The following ARMC3 variants were observed in gnomAD, a reference collection of about 807,000 sequenced individuals.
ARMC3 encodes armadillo repeat containing 3, also known as armadillo repeat-containing protein 3.
A neutral mutation model predicts 90.3 loss-of-function variants in ARMC3; 74 were observed. That is an observed-to-expected ratio of 0.82 (90% CI 0.68 to 0.99). ARMC3 has a LOEUF of 0.99. ARMC3 is among the 50% of genes least tolerant of loss of function. The pLI is 0.00. For missense variants in ARMC3, 958 were observed against 1,042.8 expected (o/e 0.92, Z 1.12); for synonymous variants, 334 against 361.8 (o/e 0.92, Z 0.87).
intron 10 of ARMC3, among the ~76,000 whole-genome samples, chr10:22,995,978 C>A (rs565119793): frequency 1.2e-3 from 184 of 152,228 alleles, no homozygotes; most frequent in Non-Finnish European, 2.1e-3. Context: ...GAGGGAAAAC[C>A]ACCAAGTGAC....
intron 2 of ARMC3, among the ~76,000 whole-genome samples, chr10:22,935,666 A>T (rs1834079555): frequency 6.6e-6 from 1 of 152,224 alleles, no homozygotes; most frequent in African/African-American, 2.4e-5. Context: ...TGACAGCTAA[A>T]CACTATGAAT....
chr10:23,037,273 C>T lies in ARMC3; in HGVS notation c.2413C>T (p.Leu805=). 6.3e-7 allele frequency: 1 copy of T among 1,588,072 alleles called. No homozygotes were observed. Among genetic ancestry groups the T allele is most frequent in the Non-Finnish European group, 8.6e-7 (1 of 1,162,896 alleles). The change falls in exon 19 of 19, where the codon CTG becomes TTG. Residue 805 remains leucine (L), a synonymous_variant. Transcript: ENST00000298032. ...FYHRALLFKA[L]ADRIGIGCSL... ...GATCTCTTGTTTTCTCCTGCAGGCT[C>T]TGGCTGATAGAATTGGCATTGGTTG...
intron 10 of ARMC3, among the ~76,000 whole-genome samples, chr10:22,985,648 C>T (rs976536278): frequency 6.6e-6 from 1 of 152,088 alleles, no homozygotes; most frequent in African/African-American, 2.4e-5. Flanking sequence ...AGATAATTCT[C>T]GTGTATGTTG....
intron 16 of ARMC3, among the ~76,000 whole-genome samples, chr10:23,017,466 G>C (rs889248223): frequency 6.6e-6 from 1 of 152,054 alleles, no homozygotes; most frequent in African/African-American, 2.4e-5. Flanking sequence ...ATATGCATGA[G>C]TATATAACAA....
chr10:22,981,349 GA>G lies in ARMC3; in HGVS notation c.930del (p.Lys310AsnfsTer13), dbSNP rs1836174441. On this transcript the variant is annotated frameshift_variant, in exon 9 of 19. Coordinates refer to ENST00000298032, the MANE Select transcript of ARMC3 (RefSeq NM_173081.5). LOFTEE classifies it high-confidence loss of function. ...CTTTGGTGTATGAAAGCTGAAAATA[GA>G]AAACTTTTTCATGAACAAGAGGTTG... ...ITKAAYDPEN[R>X]KLFHEQEVEK... is the part of the protein sequence containing the mutation. 4 of 1,594,502 alleles carry G rather than the reference GA, an allele frequency of 2.5e-6. No homozygotes were observed. The highest frequency in any genetic ancestry group is 3.4e-6 in the Non-Finnish European group (4 of 1,174,742).
At chr10:23,011,458 C>T (rs1838009933) in intron 16 of ARMC3, among the ~76,000 whole-genome samples, 1 of 152,196 alleles carries the variant, frequency 6.6e-6, no homozygotes, top group Non-Finnish European at 1.5e-5. Context: ...AAACACTCAA[C>T]CAGTGTCAGT....
chr10:22,947,362 T>A (rs919492423), intron 3 of ARMC3, among the ~76,000 whole-genome samples: 1 of 151,602 alleles, frequency 6.6e-6, no homozygotes, highest in South Asian at 2.1e-4. Flanking sequence ...CCAACTGTGA[T>A]AAGTCCTATC....
intron 8 of ARMC3, among the ~76,000 whole-genome samples, chr10:22,973,918 C>T (rs559356514): frequency 9.9e-5 from 15 of 151,402 alleles, no homozygotes; most frequent in African/African-American, 3.4e-4. Flanking sequence ...GCCACCAGGC[C>T]CAGCTAATTT....
chr10:23,013,345 T>C (rs1838110097), intron 16 of ARMC3, among the ~76,000 whole-genome samples: 1 of 152,212 alleles, frequency 6.6e-6, no homozygotes, highest in Non-Finnish European at 1.5e-5. Context: ...TATTCATTCT[T>C]TATTTTCTTT....
intron 7 of ARMC3, among the ~76,000 whole-genome samples, chr10:22,963,850 A>G (rs1588850808): frequency 7.4e-6 from 1 of 134,690 alleles, no homozygotes; most frequent in Non-Finnish European, 1.5e-5. Context: ...AGATCGCACC[A>G]CTGCACTCCA....
chr10:22,988,098 C>T (rs573977051), intron 10 of ARMC3, among the ~76,000 whole-genome samples: 15 of 152,268 alleles, frequency 9.9e-5, no homozygotes, highest in African/African-American at 1.9e-4. Flanking sequence ...AGAATGTCCT[C>T]GTTATATATG....
chr10:22,933,840 C>A (rs1268580577), intron 2 of ARMC3, among the ~76,000 whole-genome samples: 2 of 152,008 alleles, frequency 1.3e-5, no homozygotes, highest in Non-Finnish European at 2.9e-5. Flanking sequence ...AGCTGAGATC[C>A]CACCACTGCA....
At chr10:23,032,787 C>T (rs968655897) in intron 17 of ARMC3, 74 bp from the exon 18 acceptor site, 3 of 1,400,720 alleles carry the variant, frequency 2.1e-6, no homozygotes, top group Non-Finnish European at 2.9e-6. Context: ...TGTATATTTA[C>T]ATGTAATTAC....
chr10:22,958,715 C>A (rs188469306), intron 4 of ARMC3, among the ~76,000 whole-genome samples: 1 of 152,156 alleles, frequency 6.6e-6, no homozygotes, highest in East Asian at 1.9e-4. Flanking sequence ...TCAGTAGATA[C>A]TACCATTATC....
At chr10:23,006,220 C>T (rs977653611) in intron 13 of ARMC3, among the ~76,000 whole-genome samples, 4 of 152,104 alleles carry the variant, frequency 2.6e-5, no homozygotes, top group African/African-American at 4.8e-5. Flanking sequence ...TAGCAAAGTG[C>T]GAGGAGAGCA....
At chr10:23,023,549 G>A (rs1838594169) in intron 16 of ARMC3, among the ~76,000 whole-genome samples, 1 of 152,118 alleles carries the variant, frequency 6.6e-6, no homozygotes, top group African/African-American at 2.4e-5. Flanking sequence ...ATCTGACCTG[G>A]ATTTTAAAGC....
intron 3 of ARMC3, among the ~76,000 whole-genome samples, chr10:22,952,888 G>A (rs1040855721): frequency 2.6e-5 from 4 of 152,160 alleles, no homozygotes; most frequent in African/African-American, 4.8e-5. Flanking sequence ...ATTAATCAAG[G>A]TATTTTACCG....
intron 3 of ARMC3, among the ~76,000 whole-genome samples, chr10:22,947,892 C>T (rs536105152): frequency 6.6e-6 from 1 of 152,196 alleles, no homozygotes; most frequent in African/African-American, 2.4e-5. Flanking sequence ...TAAAAACATA[C>T]AAGATGCCTA....
At chr10:22,973,617 A>G (rs1005733988) in intron 8 of ARMC3, among the ~76,000 whole-genome samples, 5 of 151,518 alleles carry the variant, frequency 3.3e-5, no homozygotes, top group African/African-American at 9.7e-5. Context: ...TTTTAGTTCA[A>G]TTTTATAAAT....
Sources: gnomAD v4.1 joint callset for allele counts (sites outside exome capture counted in the v4.1 genomes callset) on GRCh38, gnomAD v4.1.1 for gene constraint, MANE v1.5 for transcripts, NCBI Gene and HGNC (gene_info 2026-07-23, HGNC 2026-07-21) for gene names.